The following SCML2 variants were observed in gnomAD, a reference collection of about 807,000 sequenced individuals.
The protein encoded by SCML2 is Scm polycomb group protein like 2.
A neutral mutation model predicts 48.4 loss-of-function variants in SCML2; 6 were observed. The ratio of observed to expected loss-of-function variants is 0.12; its 90% CI spans 0.07 to 0.24. The LOEUF (loss-of-function observed/expected upper bound fraction) is 0.24. Among genes scored for constraint, SCML2 ranks in the 10% least tolerant of loss-of-function variants. The pLI is 1.00. For missense variants in SCML2, 377 were observed against 528.2 expected (o/e 0.71, Z 2.81); for synonymous variants, 181 against 189.5 (o/e 0.95, Z 0.37).
chrX:18,295,441 G>T (rs1046212594), intron 7 of SCML2, among the ~76,000 whole-genome samples: 10 of 112,194 alleles, frequency 8.9e-5, no homozygotes, highest in South Asian at 7.4e-4. Flanking sequence ...GCACCCACTG[G>T]CACATACCCG....
chrX:18,255,335 C>T (rs779364795), intron 11 of SCML2, among the ~76,000 whole-genome samples: 3 of 112,239 alleles, frequency 2.7e-5, no homozygotes, highest in South Asian at 3.8e-4. Flanking sequence ...GGGCACATAG[C>T]TAGTTAACAG....
intron 11 of SCML2, 142 bp from the exon 12 acceptor site, chrX:18,248,024 C>A: frequency 2.3e-6 from 1 of 430,608 alleles, no homozygotes; most frequent in Non-Finnish European, 4.1e-6. Flanking sequence ...ATTTGATGTT[C>A]ATGAATAACA....
chrX:18,268,194 G>A (rs1029323874), intron 7 of SCML2, among the ~76,000 whole-genome samples: 1 of 112,303 alleles, frequency 8.9e-6, no homozygotes, highest in Non-Finnish European at 1.9e-5. Flanking sequence ...TCTACTTTAT[G>A]AGAAGATTAA....
rs1367144471 is a variant in SCML2, at chrX:18,344,672, C to T, written c.-25+9920G>A. 3.9e-4 allele frequency among the ~76,000 whole-genome samples: 43 copies of T among 111,663 alleles called. 1 individual carries two copies. The highest frequency in any genetic ancestry group is 3.8e-5 in the Non-Finnish European group (2 of 53,146). ...CTGGCTCTCATTCTCTCATCTGCTG[C>T]CCTGTAAGACATGCCTTTCACCATG... On this transcript the variant is annotated intron_variant, in intron 1 of 14. Transcript: ENST00000251900.
In SCML2 at chrX:18,246,449, G is replaced by GA. The variant is rs751231985; in HGVS notation, c.1822+127dup. 350 of 635,357 alleles carry GA rather than the reference G, an allele frequency of 5.5e-4. 1 individual carries two copies. Among genetic ancestry groups the GA allele is most frequent in the Non-Finnish European group, 8.6e-5 (36 of 419,170 alleles). 52.4% of individuals were successfully genotyped at this position (635,357 alleles called of 1,213,427 possible). The stretch of plus-strand genomic sequence containing the variant: ...TAATGGTCTGACCTGACAGTGATGT[G>GA]AAAGAGAGGACTCAGCCTCCCAAAT... On this transcript the variant is annotated intron_variant, in intron 13 of 14. Transcript: ENST00000251900.
chrX:18,328,757 G>A (rs2035643115), intron 3 of SCML2, among the ~76,000 whole-genome samples: 1 of 112,009 alleles, frequency 8.9e-6, no homozygotes, highest in African/African-American at 3.2e-5. Flanking sequence ...GCATGTGCCA[G>A]GCACTGTCCT....
At chrX:18,303,295 AAGAG>A (rs1407356797) in intron 7 of SCML2, among the ~76,000 whole-genome samples, 1 of 111,994 alleles carries the variant, frequency 8.9e-6, no homozygotes, top group Non-Finnish European at 1.9e-5. Context: ...CTAAGAAAAA[AAGAG>A]AGAAGAAATA....
chrX:18,303,154 G>A (rs140672365), intron 7 of SCML2, among the ~76,000 whole-genome samples: 69 of 111,072 alleles, frequency 6.2e-4, no homozygotes, highest in African/African-American at 2.2e-3. Context: ...GAAAGGACAT[G>A]CTCATCTCTC....
intron 1 of SCML2, among the ~76,000 whole-genome samples, chrX:18,339,172 TAACAA>T (rs1929934210): frequency 9.0e-6 from 1 of 111,487 alleles, no homozygotes; most frequent in Non-Finnish European, 1.9e-5. Context: ...AGTTGTTGCT[TAACAA>T]AACAGGAACT....
chrX:18,280,929 T>C (rs750607995), intron 7 of SCML2, among the ~76,000 whole-genome samples: 5 of 77,174 alleles, frequency 6.5e-5, no homozygotes, highest in Admixed American at 1.5e-4. Flanking sequence ...ACCTCACTGA[T>C]AGTGTTAGAT....
chrX:18,269,024 A>T (rs1407145792), intron 7 of SCML2, among the ~76,000 whole-genome samples: 1 of 111,628 alleles, frequency 9.0e-6, no homozygotes, highest in Non-Finnish European at 1.9e-5. Context: ...TCCACTCACT[A>T]CTATGAATAA....
intron 6 of SCML2, among the ~76,000 whole-genome samples, chrX:18,308,056 T>C (rs1416430255): frequency 3.9e-5 from 4 of 103,711 alleles, no homozygotes; most frequent in Non-Finnish European, 5.9e-5. Context: ...ATCATGCCAT[T>C]GCACTCCAGC....
At chrX:18,257,802 C>T (rs995051888) in intron 10 of SCML2, among the ~76,000 whole-genome samples, 2 of 105,761 alleles carry the variant, frequency 1.9e-5, no homozygotes, top group Non-Finnish European at 3.9e-5. Flanking sequence ...GTGGGAGAAT[C>T]GCTTGAACCT....
At chrX:18,354,395 G>C (rs1469872698) in intron 1 of SCML2, among the ~76,000 whole-genome samples, 197 bp downstream of exon 1, 55 of 111,855 alleles carry the variant, frequency 4.9e-4, no homozygotes, top group Non-Finnish European at 9.1e-4. Flanking sequence ...GCTGAAGGGC[G>C]TCCGCGGAAG....
intron 7 of SCML2, among the ~76,000 whole-genome samples, chrX:18,298,779 C>G (rs1159207832): frequency 1.8e-5 from 2 of 108,820 alleles, no homozygotes; most frequent in Non-Finnish European, 3.8e-5. Flanking sequence ...ACCAAGATTG[C>G]ACTGCACTCC....
chrX:18,332,352 T>C (rs1929684663), intron 2 of SCML2, among the ~76,000 whole-genome samples: 1 of 112,410 alleles, frequency 8.9e-6, no homozygotes, highest in African/African-American at 3.2e-5. Flanking sequence ...AACATACTTG[T>C]GTTGCTATTT....
intron 6 of SCML2, among the ~76,000 whole-genome samples, chrX:18,319,595 CAAAAAAAAAAAACAA>C (rs1196471981): frequency 2.9e-5 from 1 of 34,042 alleles, no homozygotes; most frequent in Non-Finnish European, 5.8e-5. Flanking sequence ...GACTCTGTCT[CAAAAAAAAAAAACAA>C]AAAAAAAAAA....
intron 14 of SCML2, among the ~76,000 whole-genome samples, 160 bp downstream of exon 14, chrX:18,242,279 C>G (rs758948793): frequency 1.8e-5 from 2 of 111,723 alleles, no homozygotes; most frequent in Non-Finnish European, 3.8e-5. Flanking sequence ...CATTAATCTA[C>G]CATTTAAGGA....
chrX:18,261,740 C>A (rs965648359), intron 8 of SCML2, among the ~76,000 whole-genome samples: 4 of 109,706 alleles, frequency 3.6e-5, no homozygotes, highest in Non-Finnish European at 7.5e-5. Context: ...TACATTTTCA[C>A]CATTATACCA....
Sources: gnomAD v4.1 joint callset for allele counts (sites outside exome capture counted in the v4.1 genomes callset) on GRCh38, gnomAD v4.1.1 for gene constraint, MANE v1.5 for transcripts, NCBI Gene and HGNC (gene_info 2026-07-23, HGNC 2026-07-21) for gene names.